SLC1A6: variants seen among roughly 807,000 people sequenced by gnomAD.
The protein encoded by SLC1A6 is excitatory amino acid transporter 4.
SLC1A6 carries 15 observed loss-of-function variants against 42.1 expected under a neutral mutation model. The observed-to-expected ratio is 0.36, with a 90% confidence interval of 0.24 to 0.55. The LOEUF is 0.55. Among genes scored for constraint, SLC1A6 ranks in the 20% least tolerant of loss-of-function variants. SLC1A6 has a pLI of 0.88. For missense variants in SLC1A6, 542 were observed against 772.5 expected, an observed-to-expected ratio of 0.70 and a Z score of 3.54; for synonymous variants, 317 against 319.7, an observed-to-expected ratio of 0.99 and a Z score of 0.09.
chr19:15,009,068 G>A (rs1464570755), intron 1 of SLC1A6, among the ~76,000 whole-genome samples: 5 of 119,184 alleles, frequency 4.2e-5, no homozygotes, highest in African/African-American at 1.4e-4. Context: ...ATGCTATCTA[G>A]ATAGCATATA....
At chr19:14,972,559 G>GT in intron 2 of SLC1A6, 147 bp downstream of exon 2, 1 of 647,986 alleles carries the variant, frequency 1.5e-6, no homozygotes, top group Non-Finnish European at 2.8e-6. Flanking sequence ...GTGTCTTTAT[G>GT]TGGGGGGTTG....
At chr19:14,968,903 G>A (rs1028694216) in intron 3 of SLC1A6, among the ~76,000 whole-genome samples, 15 of 151,386 alleles carry the variant, frequency 9.9e-5, no homozygotes, top group Non-Finnish European at 1.8e-4. Context: ...GCAATGGTGC[G>A]ATCTCAGCTC....
chr19:14,987,928 A>C (rs1373383829), intron 1 of SLC1A6, among the ~76,000 whole-genome samples: 1 of 152,158 alleles, frequency 6.6e-6, no homozygotes, highest in Admixed American at 6.5e-5. Context: ...GGGCAATCAT[A>C]GTTTACTGCA....
At chr19:14,997,414 A>C (rs1343648217) in intron 1 of SLC1A6, among the ~76,000 whole-genome samples, 1 of 152,150 alleles carries the variant, frequency 6.6e-6, no homozygotes, top group Non-Finnish European at 1.5e-5. Flanking sequence ...TATCACAGGC[A>C]CTCATTTTTA....
intron 1 of SLC1A6, among the ~76,000 whole-genome samples, chr19:15,010,188 A>G (rs577630074): frequency 0.031 from 2,740 of 87,982 alleles, 28 homozygotes; most frequent in East Asian, 0.14. Flanking sequence ...TCTATGAAAA[A>G]AAAAAAAAAG....
At chr19:14,975,822 AAAGGGAAGGGAAGGGAAGGGGAC>A in intron 1 of SLC1A6, among the ~76,000 whole-genome samples, 2 of 116,070 alleles carry the variant, frequency 1.7e-5, no homozygotes, top group Admixed American at 9.3e-5. Context: ...GGAAGGGGAC[AAAGGGAAGGGAAGGGAAGGGGAC>A]AAAGGGAAGG....
intron 9 of SLC1A6, among the ~76,000 whole-genome samples, chr19:14,952,520 G>C (rs12986049): frequency 0.72 from 109,344 of 150,902 alleles, 40,070 homozygotes; most frequent in African/African-American, 0.84. Context: ...CACCTCCCAG[G>C]TTCAAGCGAT....
intron 1 of SLC1A6, among the ~76,000 whole-genome samples, chr19:14,986,797 C>G (rs907402980): frequency 7.9e-5 from 12 of 152,044 alleles, no homozygotes; most frequent in Non-Finnish European, 1.3e-4. Flanking sequence ...GTCTCAAACT[C>G]CTGGACTCAA....
At chr19:14,975,879 G>C (rs2045703292) in intron 1 of SLC1A6, among the ~76,000 whole-genome samples, 1 of 53,456 alleles carries the variant, frequency 1.9e-5, no homozygotes, top group Non-Finnish European at 3.7e-5. Flanking sequence ...GGAAAGGGAA[G>C]GGAAGGGAAG....
At chr19:14,950,501 C>T (rs2145157985) in intron 9 of SLC1A6, 111 bp from the exon 10 acceptor site, 1 of 676,140 alleles carries the variant, frequency 1.5e-6, no homozygotes, top group Admixed American at 3.2e-5. Context: ...GCTCCCATTG[C>T]AGTACAATCC....
intron 4 of SLC1A6, among the ~76,000 whole-genome samples, chr19:14,964,620 C>A (rs1187436713): frequency 6.6e-6 from 1 of 152,170 alleles, no homozygotes; most frequent in East Asian, 1.9e-4. Context: ...CCCGGAGCCA[C>A]AGAGCTGCTA....
chr19:14,962,121 C>T lies in SLC1A6; in HGVS notation c.816G>A (p.Val272=), dbSNP rs771395995. ...CCAGCCCAAAGGCCACAGAGAAGAC[C>T]ACGAGGCCCAGGGCGTTGATGCCAT... The part of the protein sequence containing the change: ...SANGINALGL[V]VFSVAFGLVI... The change falls in exon 6 of 10, where the codon GTG becomes GTA. Residue 272 remains valine (V), a synonymous_variant. Transcript: ENST00000594383. The T allele has an allele frequency of 8.1e-6, 13 of 1,614,190 alleles. No individual in the cohort carries two copies. In the East Asian group the frequency reaches 2.9e-4, roughly 36 times the overall value.
chr19:15,010,352 G>A, intron 1 of SLC1A6: 1 of 334,180 alleles, frequency 3.0e-6, no homozygotes, highest in Non-Finnish European at 6.0e-6. Flanking sequence ...TTCTACCTGT[G>A]GGAACAGCAA....
At chr19:14,974,880 G>A (rs561807039) in intron 1 of SLC1A6, 1 of 151,502 alleles carries the variant, frequency 6.6e-6, no homozygotes, top group South Asian at 2.1e-4. Context: ...GAGACAGAAT[G>A]TCGCTCTGTC....
chr19:14,960,035 G>T (rs2045495211), intron 6 of SLC1A6, among the ~76,000 whole-genome samples: 1 of 152,108 alleles, frequency 6.6e-6, no homozygotes, highest in Admixed American at 6.6e-5. Flanking sequence ...GTACTCCAGA[G>T]GTCAAGACAA....
At chr19:14,994,893 A>C (rs974655730) in intron 1 of SLC1A6, among the ~76,000 whole-genome samples, 2 of 151,156 alleles carry the variant, frequency 1.3e-5, no homozygotes, top group African/African-American at 2.4e-5. Context: ...CAAAAAAAAT[A>C]AGGAAATCCT....
intron 1 of SLC1A6, among the ~76,000 whole-genome samples, chr19:15,004,410 C>CA (rs2045886491): frequency 2.6e-5 from 4 of 151,332 alleles, no homozygotes; most frequent in Non-Finnish European, 5.9e-5. Context: ...GATAGTAAAA[C>CA]AAAAAATAAG....
At chr19:14,969,493 C>A (rs1183308611) in intron 3 of SLC1A6, among the ~76,000 whole-genome samples, 2 of 152,240 alleles carry the variant, frequency 1.3e-5, no homozygotes, top group Non-Finnish European at 2.9e-5. Flanking sequence ...GTTCTGCTCA[C>A]ACTCCAGAGC....
Position 14,956,652 on chromosome 19 carries a change from G to C in SLC1A6, c.993C>G (p.Asp331Glu), listed in dbSNP as rs1766627679. ...CCAGCTGACCCCCCAGGACGGCCATGTCTTCCATCTCCAGAATCTTCCCAG... is the reference window on the plus strand; with the variant it reads ...CCAGCTGACCCCCCAGGACGGCCATCTCTTCCATCTCCAGAATCTTCCCAG... ...LIAGKILEME[D>E]MAVLGGQLGM... The change falls in exon 7 of 10, where the codon GAC (aspartate) becomes GAG (glutamate). Residue 331 changes from aspartate (D) to glutamate (E), a missense_variant. Asp to Glu is a conservative substitution (Grantham distance 45). Around this residue, in one of 6 missense-constraint regions of SLC1A6, gnomAD observed 298 missense variants for 419.4 expected, o/e 0.71. Transcript: ENST00000594383. The C allele has an allele frequency of 6.2e-7, 1 of 1,613,840 alleles. No homozygotes were observed. The highest frequency in any genetic ancestry group is 8.5e-7 in the Non-Finnish European group (1 of 1,179,950).
Sources: allele counts gnomAD v4.1 joint callset (sites outside exome capture counted in the v4.1 genomes callset), GRCh38; gene constraint gnomAD v4.1.1; regional missense constraint gnomAD v4.1.1; transcripts MANE v1.5; gene names NCBI Gene and HGNC (gene_info 2026-07-23, HGNC 2026-07-21).